The following CAPN6 variants were observed in gnomAD, a reference collection of about 807,000 sequenced individuals.
CAPN6 encodes calpain 6, also known as calpain-6.
A neutral mutation model predicts 46.0 loss-of-function variants in CAPN6; 16 were observed. The observed-to-expected ratio is 0.35, with a 90% CI of 0.24 to 0.53. CAPN6 has a LOEUF of 0.53. CAPN6 is among the 20% of genes least tolerant of loss of function. The pLI is 0.94. For synonymous variants in CAPN6, 206 were observed against 172.8 expected (o/e 1.19, Z -1.51); for missense variants, 461 against 498.0 (o/e 0.93, Z 0.71).
chrX:111,247,150 T>C (rs1371099718), intron 12 of CAPN6, among the ~76,000 whole-genome samples: 1 of 111,819 alleles, frequency 8.9e-6, no homozygotes, highest in Non-Finnish European at 1.9e-5. Flanking sequence ...ATGTGGGCTT[T>C]TGCCCACAAT....
chrX:111,247,844 T>C (rs1172791786), intron 11 of CAPN6, 27 bp downstream of exon 11: 1 of 1,203,142 alleles, frequency 8.3e-7, no homozygotes. Flanking sequence ...TGAATTTTGC[T>C]TTCCCAGACA....
At position 111,251,885 on chromosome X, in the gene CAPN6, AC is replaced by A. The variant is rs754609144; in HGVS notation, c.700-144del. 197 of 481,649 alleles carry A rather than the reference AC, an allele frequency of 4.1e-4. No homozygotes were observed. In the South Asian group the frequency reaches 7.0e-3, roughly 17 times the overall value. The allele number at this position is 481,649 out of a possible 1,213,427, so 39.7% of individuals were successfully genotyped here. A position where few individuals can be genotyped will look rare whatever the true frequency, so the allele number is the denominator to read the frequency against. ...ATTTCATCCTGACACCCAACTTGAAACAAAAACAGTAGAGGAAAATAAATAA... is the reference window on the plus strand; with the variant it reads ...ATTTCATCCTGACACCCAACTTGAAAAAAAACAGTAGAGGAAAATAAATAA... On this transcript the variant is annotated intron_variant, in intron 5 of 12. Coordinates refer to ENST00000324068, the MANE Select transcript of CAPN6 (RefSeq NM_014289.4).
chrX:111,269,681 C>T (rs1430948411), intron 1 of CAPN6, among the ~76,000 whole-genome samples: 1 of 111,856 alleles, frequency 8.9e-6, no homozygotes, highest in Non-Finnish European at 1.9e-5. Flanking sequence ...GAGGATGGAG[C>T]CCCATCTTGA....
chrX:111,251,347 T>C (rs2094979313), intron 6 of CAPN6, 61 bp from the exon 7 acceptor site: 1 of 1,078,126 alleles, frequency 9.3e-7, no homozygotes, highest in African/African-American at 1.9e-5. Flanking sequence ...TGACTTCTTG[T>C]AGTAAGTAGG....
intron 2 of CAPN6, among the ~76,000 whole-genome samples, chrX:111,259,177 G>A (rs1050754901): frequency 2.7e-5 from 3 of 112,522 alleles, no homozygotes; most frequent in African/African-American, 9.7e-5. Context: ...TAAAACAGGT[G>A]AGTTTCACAA....
chrX:111,249,025 C>T lies in CAPN6; in HGVS notation c.1191G>A (p.Lys397=), dbSNP rs778471859. The T allele has an allele frequency of 1.7e-6, 2 of 1,211,344 alleles. No individual in the cohort carries two copies. Among genetic ancestry groups the T allele is most frequent in the Non-Finnish European group, 2.2e-6 (2 of 895,129 alleles). Residue 397 remains lysine (K), a synonymous_variant, in exon 9 of 13, where the codon AAG becomes AAA. Transcript: ENST00000324068. The part of the protein sequence containing the change: ...YIFTVPEDGH[K]VIMSLQQKDL... ...CCTTCTGCTGCAGTGACATAATGAC[C>T]TTGTGCCCATCCTCAGGCACAGTGA...
rs140330224 is a variant in CAPN6, at chrX:111,250,868, T to C, written c.1158+49A>G. 3.5e-5 allele frequency: 38 copies of C among 1,091,558 alleles called. 1 individual carries two copies. The East Asian group carries it at 1.1e-3, about 32-fold the overall frequency. 90.0% of individuals were successfully genotyped at this position (1,091,558 alleles called of 1,213,427 possible). ...AGAGATGACCAAAGCAAGATCTGAGTTCCTATTGACTGGATAACTTTGAGG... is the reference window on the plus strand; with the variant it reads ...AGAGATGACCAAAGCAAGATCTGAGCTCCTATTGACTGGATAACTTTGAGG... On this transcript the variant is annotated intron_variant, in intron 8 of 12. Transcript: ENST00000324068.
At chrX:111,265,837 C>T (rs901661640) in intron 1 of CAPN6, among the ~76,000 whole-genome samples, 1 of 111,438 alleles carries the variant, frequency 9.0e-6, no homozygotes, top group African/African-American at 3.3e-5. Flanking sequence ...TTCCTTACTA[C>T]TCGGTCAAAT....
chrX:111,249,302 T>C (rs776496436), intron 8 of CAPN6, among the ~76,000 whole-genome samples: 4 of 112,164 alleles, frequency 3.6e-5, no homozygotes, highest in African/African-American at 1.3e-4. Context: ...TAGCCTTTGA[T>C]GCCAAAGAGG....
chrX:111,248,486 G>T, intron 10 of CAPN6, 83 bp downstream of exon 10: 1 of 681,848 alleles, frequency 1.5e-6, no homozygotes. Flanking sequence ...TTGAATGTCT[G>T]AAGAGGGGAG....
chrX:111,253,003 C>T lies in CAPN6; in HGVS notation c.506+5G>A. 8.3e-7 allele frequency: 1 copy of T among 1,201,778 alleles called. No homozygotes were observed. The highest frequency in any genetic ancestry group is 1.1e-6 in the Non-Finnish European group (1 of 886,817). ...TGATAGCAGACTAGTCAATCACCTCCTTACTTTGCATAAGCTTTTTCCAGC... is the reference window on the plus strand; with the variant it reads ...TGATAGCAGACTAGTCAATCACCTCTTTACTTTGCATAAGCTTTTTCCAGC... On this transcript the variant is annotated splice_donor_5th_base_variant and intron_variant, in intron 4 of 12. Coordinates refer to ENST00000324068, the MANE Select transcript of CAPN6 (RefSeq NM_014289.4).
chrX:111,247,779 G>A lies in CAPN6; in HGVS notation c.1606+92C>T, dbSNP rs758048906. On this transcript the variant is annotated intron_variant, in intron 11 of 12. Transcript: ENST00000324068. Reference sequence around the variant, plus strand: ...TCCCAACTTCTCTAGACAAAATATCGCTGGAGAAAATCATTTGTGATCATG... The same window carrying A: ...TCCCAACTTCTCTAGACAAAATATCACTGGAGAAAATCATTTGTGATCATG... 8.3e-5 allele frequency: 88 copies of A among 1,061,416 alleles called. No individual in the cohort carries two copies. The Middle Eastern group carries it at 1.0e-3, about 12-fold the overall frequency. The allele number at this position is 1,061,416 out of a possible 1,213,427, so 87.5% of individuals were successfully genotyped here. A position where few individuals can be genotyped will look rare whatever the true frequency, so the allele number is the denominator to read the frequency against.
intron 1 of CAPN6, among the ~76,000 whole-genome samples, chrX:111,266,331 C>T (rs1273870182): frequency 9.2e-6 from 1 of 108,943 alleles, no homozygotes; most frequent in Non-Finnish European, 1.9e-5. Flanking sequence ...CTTTGTGCCT[C>T]AAATTTTTCA....
At chrX:111,246,794 G>A (rs758618487) in intron 12 of CAPN6, 35 bp from the exon 13 acceptor site, 1 of 1,124,160 alleles carries the variant, frequency 8.9e-7, no homozygotes, top group Non-Finnish European at 1.2e-6. Context: ...AAGATGAGCA[G>A]CCCTCAGTGA....
intron 1 of CAPN6, 120 bp from the exon 2 acceptor site, chrX:111,264,071 GT>G (rs2094990044): frequency 2.3e-6 from 1 of 433,754 alleles, no homozygotes. Context: ...GGCACTTCTA[GT>G]TTGGCTTTAA....
intron 6 of CAPN6, 78 bp downstream of exon 6, chrX:111,251,471 A>G: frequency 1.1e-6 from 1 of 948,375 alleles, no homozygotes; most frequent in Non-Finnish European, 1.5e-6. Context: ...TTGACAGCAC[A>G]CTAGCAGTCT....
intron 4 of CAPN6, 25 bp downstream of exon 4, chrX:111,252,983 G>A: frequency 8.7e-7 from 1 of 1,147,461 alleles, no homozygotes; most frequent in East Asian, 3.0e-5. Flanking sequence ...TACCCTGATA[G>A]CAGACTAGTC....
chrX:111,266,606 G>T (rs2147540605), intron 1 of CAPN6, among the ~76,000 whole-genome samples: 1 of 112,468 alleles, frequency 8.9e-6, no homozygotes, highest in African/African-American at 3.2e-5. Context: ...TTTTAGTTCG[G>T]GTTCTCATCA....
At position 111,251,635 on chromosome X, in the gene CAPN6, C is replaced by T; in HGVS notation, c.807G>A (p.Val269=). 8.3e-7 allele frequency: 1 copy of T among 1,207,830 alleles called. No homozygotes were observed. The highest frequency in any genetic ancestry group is 1.1e-6 in the Non-Finnish European group (1 of 891,871). Residue 269 remains valine (V), a synonymous_variant, in exon 6 of 13, where the codon GTG becomes GTA. Coordinates refer to ENST00000324068, the MANE Select transcript of CAPN6 (RefSeq NM_014289.4). ...IRKIRLGERL[V]EVFSAEKVYM... ...ACACCTTCTCAGCACTGAAGACTTCCACAAGTCTCTCTCCAAGACGAATTT... is the reference window on the plus strand; with the variant it reads ...ACACCTTCTCAGCACTGAAGACTTCTACAAGTCTCTCTCCAAGACGAATTT...
Sources: allele counts gnomAD v4.1 joint callset (sites outside exome capture counted in the v4.1 genomes callset), GRCh38; gene constraint gnomAD v4.1.1; transcripts MANE v1.5; gene names NCBI Gene and HGNC (gene_info 2026-07-23, HGNC 2026-07-21).